Variants in THSD4 observed in about 807,000 individuals in gnomAD.
The protein encoded by THSD4 is thrombospondin type 1 domain containing 4.
In THSD4, 69 loss-of-function variants were observed where a neutral mutation model predicts 119.0. The ratio of observed to expected loss-of-function variants is 0.58; its 90% CI spans 0.48 to 0.71. THSD4 has a LOEUF of 0.71. Ranked by LOEUF, THSD4 falls within the 30% of genes least tolerant of loss-of-function variation. The probability of loss-of-function intolerance (pLI) is 0.00; values close to 1 mark genes in which losing one functional copy is unlikely to be tolerated. For synonymous variants in THSD4, 524 were observed against 540.4 expected (o/e 0.97, Z 0.42); for missense variants, 1,393 against 1,391.1 (o/e 1.00, Z -0.02).
rs2053147329 is a variant in THSD4, at chr15:71,737,840, T to C, written c.1739T>C (p.Met580Thr). The C allele has an allele frequency of 6.2e-7, 1 of 1,614,078 alleles. No individual in the cohort carries two copies. Among genetic ancestry groups the C allele is most frequent in the Admixed American group, 1.7e-5 (1 of 60,004 alleles). ...KEDLRGEAPEMFTSESAQTFP... is the reference protein window; with the variant it reads ...KEDLRGEAPETFTSESAQTFP... The stretch of plus-strand genomic sequence containing the variant: ...GACTTGCGTGGGGAGGCCCCTGAGA[T>C]GTTCACCTCAGAATCGGCACAGACC... Residue 580 changes from methionine to threonine, a missense_variant, in exon 11 of 18, where the codon ATG (methionine) becomes ACG (threonine). Met to Thr is a moderately conservative substitution (Grantham distance 81). Coordinates refer to ENST00000261862, the MANE Select transcript of THSD4 (RefSeq NM_024817.3).
chr15:71,237,926 A>G (rs2044118772), intron 4 of THSD4, among the ~76,000 whole-genome samples: 1 of 152,196 alleles, frequency 6.6e-6, no homozygotes, highest in Non-Finnish European at 1.5e-5. Context: ...GTTTGCAGCC[A>G]TTATCTCAAC....
At chr15:71,440,663 G>A (rs1370326358) in intron 7 of THSD4, among the ~76,000 whole-genome samples, 1 of 152,150 alleles carries the variant, frequency 6.6e-6, no homozygotes, top group Non-Finnish European at 1.5e-5. Flanking sequence ...TGAACTGGTT[G>A]ATCGTGACAT....
chr15:71,377,867 A>AACACACACACACACACACACACACACAC (rs376497737), intron 6 of THSD4, among the ~76,000 whole-genome samples: 18 of 86,326 alleles, frequency 2.1e-4, no homozygotes, highest in African/African-American at 5.2e-4. Flanking sequence ...ACATATCCAC[A>AACACACACACACACACACACACACACAC]ACACACACAC....
At chr15:71,671,371 A>G (rs1490862295) in intron 8 of THSD4, among the ~76,000 whole-genome samples, 3 of 152,134 alleles carry the variant, frequency 2.0e-5, no homozygotes, top group Admixed American at 6.6e-5. Flanking sequence ...TTCTTTGTAG[A>G]TTCTGGATAT....
intron 8 of THSD4, among the ~76,000 whole-genome samples, chr15:71,691,853 G>A (rs778824796): frequency 1.3e-5 from 2 of 152,184 alleles, no homozygotes; most frequent in East Asian, 1.9e-4. Context: ...TGGACATGGC[G>A]AATACATGAG....
chr15:71,728,944 T>C, intron 9 of THSD4: 1 of 592,016 alleles, frequency 1.7e-6, no homozygotes, highest in Non-Finnish European at 3.0e-6. Context: ...CAGATGCTTA[T>C]TACCTTCGGA....
chr15:71,445,825 A>G (rs560701235), intron 7 of THSD4, among the ~76,000 whole-genome samples: 1 of 152,338 alleles, frequency 6.6e-6, no homozygotes, highest in South Asian at 2.1e-4. Flanking sequence ...AATGTTATCC[A>G]TGACGGGATA....
chr15:71,558,381 C>G (rs1165146390), intron 7 of THSD4, among the ~76,000 whole-genome samples: 3 of 152,172 alleles, frequency 2.0e-5, no homozygotes, highest in Non-Finnish European at 4.4e-5. Flanking sequence ...AGCCTTTAAT[C>G]TGTTCTAATG....
intron 7 of THSD4, among the ~76,000 whole-genome samples, chr15:71,652,835 G>A (rs941138348): frequency 6.6e-6 from 1 of 152,098 alleles, no homozygotes; most frequent in Non-Finnish European, 1.5e-5. Flanking sequence ...CATTTAGGAA[G>A]CCAAAATACC....
intron 8 of THSD4, among the ~76,000 whole-genome samples, chr15:71,726,868 C>T (rs1310897960): frequency 1.3e-5 from 2 of 151,412 alleles, no homozygotes; most frequent in African/African-American, 4.9e-5. Context: ...ACCCAGGGGG[C>T]AGAGGTTGCA....
intron 6 of THSD4, among the ~76,000 whole-genome samples, chr15:71,336,037 C>T (rs145412430): frequency 1.3e-5 from 2 of 152,242 alleles, no homozygotes; most frequent in African/African-American, 2.4e-5. Context: ...GAGATCACCT[C>T]GGTGGATGGC....
intron 1 of THSD4, among the ~76,000 whole-genome samples, chr15:71,126,361 C>A (rs1421410633): frequency 6.6e-6 from 1 of 152,186 alleles, no homozygotes; most frequent in Admixed American, 6.5e-5. Flanking sequence ...GAAGCAATGA[C>A]GACTCCCCTT....
intron 7 of THSD4, among the ~76,000 whole-genome samples, chr15:71,567,153 G>A (rs1485974939): frequency 2.6e-5 from 4 of 152,152 alleles, no homozygotes; most frequent in African/African-American, 4.8e-5. Flanking sequence ...CTGTACTGGC[G>A]GACCCTATAA....
chr15:71,730,987 T>C lies in THSD4; in HGVS notation c.1534-134T>C, dbSNP rs1333122787. ...ATAACTTTGTTTAATCTGCCACAGG[T>C]TCACTGATATTACTGGATGCGTACT... On this transcript the variant is annotated intron_variant, in intron 9 of 17. Coordinates refer to ENST00000261862, the MANE Select transcript of THSD4 (RefSeq NM_024817.3). 83 of 723,306 alleles carry C rather than the reference T, an allele frequency of 1.1e-4. 3 individuals are homozygous for C. In the South Asian group the frequency reaches 1.2e-3, roughly 10 times the overall value. 44.8% of individuals were successfully genotyped at this position (723,306 alleles called of 1,614,324 possible).
intron 7 of THSD4, among the ~76,000 whole-genome samples, chr15:71,472,271 A>T (rs963972133): frequency 6.6e-6 from 1 of 152,154 alleles, no homozygotes; most frequent in Non-Finnish European, 1.5e-5. Flanking sequence ...TATCTACATG[A>T]TGGGGTTGTT....
chr15:71,390,064 A>G (rs1426791629), intron 6 of THSD4, among the ~76,000 whole-genome samples: 3 of 152,072 alleles, frequency 2.0e-5, no homozygotes, highest in Non-Finnish European at 4.4e-5. Flanking sequence ...CAGCCTCTCA[A>G]AGTGCTGGGA....
intron 7 of THSD4, 132 bp from the exon 8 acceptor site, chr15:71,660,398 C>T: frequency 1.9e-6 from 2 of 1,057,538 alleles, no homozygotes; most frequent in Non-Finnish European, 2.8e-6. Flanking sequence ...TCTGTGGCTC[C>T]CACCCCACTC....
intron 1 of THSD4, among the ~76,000 whole-genome samples, chr15:71,133,321 G>T (rs976066421): frequency 2.6e-5 from 4 of 152,158 alleles, no homozygotes; most frequent in Admixed American, 1.3e-4. Flanking sequence ...TTTGGATCCT[G>T]GGCTGCGCAG....
At chr15:71,227,705 G>A (rs2044029823) in intron 4 of THSD4, among the ~76,000 whole-genome samples, 1 of 152,204 alleles carries the variant, frequency 6.6e-6, no homozygotes, top group Non-Finnish European at 1.5e-5. Flanking sequence ...TGGGATTTGA[G>A]TGCAGGGTTC....
Sources: allele counts gnomAD v4.1 joint callset (sites outside exome capture counted in the v4.1 genomes callset), GRCh38; gene constraint gnomAD v4.1.1; transcripts MANE v1.5; gene names NCBI Gene and HGNC (gene_info 2026-07-23, HGNC 2026-07-21).